The following ZNF782 variants were observed in gnomAD, a reference collection of about 807,000 sequenced individuals.
ZNF782 encodes the protein zinc finger protein 782.
ZNF782 carries 12 observed loss-of-function variants against 13.0 expected under a neutral mutation model. That is an observed-to-expected ratio of 0.92 (90% CI 0.59 to 1.50). ZNF782 has a LOEUF of 1.50. Ranked by LOEUF, ZNF782 falls within the 40% of genes most tolerant of loss-of-function variation. ZNF782 has a pLI of 0.00. For missense variants in ZNF782, 770 were observed against 822.9 expected (o/e 0.94, Z 0.79); for synonymous variants, 284 against 283.0 (o/e 1.00, Z -0.04).
the ZNF782 span, among the ~76,000 whole-genome samples, chr9:96,933,018 C>T: frequency 6.7e-6 from 1 of 148,370 alleles, no homozygotes; most frequent in African/African-American, 2.5e-5. Flanking sequence ...CACTCTGTCG[C>T]CCAGGGTGGA....
the ZNF782 span, among the ~76,000 whole-genome samples, chr9:96,886,420 C>T: frequency 6.6e-6 from 1 of 152,052 alleles, no homozygotes; most frequent in African/African-American, 2.4e-5. Flanking sequence ...AAACTCTACA[C>T]CTAATATGGT....
the ZNF782 span, among the ~76,000 whole-genome samples, chr9:96,883,391 T>C: frequency 6.6e-6 from 1 of 152,068 alleles, no homozygotes; most frequent in South Asian, 2.1e-4. Flanking sequence ...GATGGAGCAG[T>C]GTAGCTCCTC....
the ZNF782 span, among the ~76,000 whole-genome samples, chr9:96,923,143 C>A: frequency 1.3e-5 from 2 of 148,406 alleles, no homozygotes; most frequent in Admixed American, 1.3e-4. Context: ...CATAGCTCCA[C>A]AAAACATTCA....
intron 4 of ZNF782, among the ~76,000 whole-genome samples, chr9:96,829,445 T>C (rs1234384761): frequency 6.6e-6 from 1 of 152,156 alleles, no homozygotes. Context: ...TGTTTTTCCA[T>C]TTTATAACAC....
intron 1 of ZNF782, among the ~76,000 whole-genome samples, chr9:96,864,984 T>A (rs1851740235): frequency 6.6e-6 from 1 of 151,858 alleles, no homozygotes; most frequent in Admixed American, 6.6e-5. Context: ...AGTTTGAGTC[T>A]GCTGTGAGCT....
At chr9:96,825,957 T>G (rs1850603433) in intron 5 of ZNF782, among the ~76,000 whole-genome samples, 3 of 152,008 alleles carry the variant, frequency 2.0e-5, no homozygotes, top group Non-Finnish European at 4.4e-5. Flanking sequence ...GGTGGGACTG[T>G]AAACTAGTTC....
intron 1 of ZNF782, among the ~76,000 whole-genome samples, chr9:96,867,892 T>G (rs1851778480): frequency 6.6e-6 from 1 of 152,236 alleles, no homozygotes; most frequent in African/African-American, 2.4e-5. Context: ...TCCAACTGCA[T>G]AGCCTTCATT....
intron 4 of ZNF782, among the ~76,000 whole-genome samples, chr9:96,829,188 TTC>T (rs1850721875): frequency 6.6e-6 from 1 of 151,058 alleles, no homozygotes; most frequent in African/African-American, 2.4e-5. Flanking sequence ...CTATGAAAAT[TTC>T]TGATTTATAT....
chr9:96,817,837 A>C lies in ZNF782; in HGVS notation c.*86T>G, dbSNP rs1850219333. ...AGGAAATTCCAGTGCTCACTATGTTAACAGTTCTCTCCTGTGTGTTCATTT... is the reference window on the plus strand; with the variant it reads ...AGGAAATTCCAGTGCTCACTATGTTCACAGTTCTCTCCTGTGTGTTCATTT... On this transcript the variant is annotated 3_prime_UTR_variant, in exon 6 of 6. Coordinates refer to ENST00000481138, the MANE Select transcript of ZNF782 (RefSeq NM_001001662.3). 11 of 1,207,470 alleles carry C rather than the reference A, an allele frequency of 9.1e-6. No homozygotes were observed. Among genetic ancestry groups the C allele is most frequent in the Non-Finnish European group, 1.1e-5 (10 of 870,192 alleles). 74.8% of individuals were successfully genotyped at this position (1,207,470 alleles called of 1,614,324 possible).
intron 4 of ZNF782, among the ~76,000 whole-genome samples, chr9:96,836,797 G>A (rs1851017048): frequency 6.6e-6 from 1 of 152,130 alleles, no homozygotes; most frequent in Non-Finnish European, 1.5e-5. Flanking sequence ...CCCTCCCAAA[G>A]GGTTGAGTTC....
chr9:96,872,488 G>A (rs546814866), intron 1 of ZNF782, among the ~76,000 whole-genome samples: 24 of 151,008 alleles, frequency 1.6e-4, no homozygotes, highest in Admixed American at 6.6e-4. Flanking sequence ...CCAAGATCGC[G>A]CCACTGCACT....
chr9:96,929,311 A>C, the ZNF782 span, among the ~76,000 whole-genome samples: 1 of 152,050 alleles, frequency 6.6e-6, no homozygotes, highest in East Asian at 1.9e-4. Flanking sequence ...AGAGGGGGAC[A>C]GGTCACGTCA....
rs374707116 is a variant in ZNF782 at position 96,846,787 on chromosome 9, AC to A, written c.16-1772del. The stretch of plus-strand genomic sequence containing the variant: ...CACTGACAGTACTAGACAGATCAAG[AC>A]AGAAAGCCAACAAAGAAACAATCGA... On this transcript the variant is annotated intron_variant, in intron 3 of 5. Transcript: ENST00000481138. 2.6e-3 allele frequency among the ~76,000 whole-genome samples: 401 copies of A among 152,300 alleles called. 1 individual carries two copies. The highest frequency in any genetic ancestry group is 3.8e-3 in the Non-Finnish European group (258 of 68,018).
upstream of ZNF782, among the ~76,000 whole-genome samples, chr9:96,879,350 A>C (rs950865589): frequency 1.3e-5 from 2 of 152,128 alleles, no homozygotes; most frequent in South Asian, 2.1e-4. Context: ...ACAACAACAA[A>C]AAATTAGCCG....
At chr9:96,842,765 G>A (rs1290189665) in intron 4 of ZNF782, among the ~76,000 whole-genome samples, 1 of 151,936 alleles carries the variant, frequency 6.6e-6, no homozygotes, top group Non-Finnish European at 1.5e-5. Flanking sequence ...GAAAAGACAA[G>A]TTACAGACTG....
In ZNF782 at chr9:96,817,983, CCCA is replaced by C. The variant is rs777759005; in HGVS notation, c.2037_2039del (p.Cys679_Gly680delinsTrp). 6.2e-7 allele frequency: 1 copy of C among 1,607,620 alleles called. No individual in the cohort carries two copies. The highest frequency in any genetic ancestry group is 1.1e-5 in the South Asian group (1 of 89,700). ...GGCTTGATTTTTGACTGAAAGTTCTCCCACATTTATCACATTTATAGGGTTTCT... is the reference window on the plus strand; with the variant it reads ...GGCTTGATTTTTGACTGAAAGTTCTCCATTTATCACATTTATAGGGTTTCT... On this transcript the variant is annotated inframe_deletion, in exon 6 of 6. Coordinates refer to ENST00000481138, the MANE Select transcript of ZNF782 (RefSeq NM_001001662.3).
intron 5 of ZNF782, among the ~76,000 whole-genome samples, chr9:96,821,732 T>G (rs1466930115): frequency 6.6e-6 from 1 of 150,988 alleles, no homozygotes; most frequent in Non-Finnish European, 1.5e-5. Context: ...AGTGCAGTGG[T>G]GCGATCTCGG....
At chr9:96,921,350 C>G in the ZNF782 span, among the ~76,000 whole-genome samples, 1 of 139,510 alleles carries the variant, frequency 7.2e-6, no homozygotes, top group Non-Finnish European at 1.5e-5. Context: ...CTGGCTAACA[C>G]GGTGAAAGCC....
chr9:96,851,974 T>C lies in ZNF782; in HGVS notation c.-13A>G. ...GAAATGTGTTCATTTTCTGTGGCTC[T>C]TGGGAGAGTATAGAGAACTGTAAAG... is the stretch of plus-strand genomic sequence containing the variant. On this transcript the variant is annotated 5_prime_UTR_variant, in exon 3 of 6. Coordinates refer to ENST00000481138, the MANE Select transcript of ZNF782 (RefSeq NM_001001662.3). The C allele has an allele frequency of 6.2e-7, 1 of 1,613,974 alleles. No homozygotes were observed. The highest frequency in any genetic ancestry group is 8.5e-7 in the Non-Finnish European group (1 of 1,179,834).
Sources: allele counts gnomAD v4.1 joint callset (sites outside exome capture counted in the v4.1 genomes callset), GRCh38; gene constraint gnomAD v4.1.1; transcripts MANE v1.5; gene names NCBI Gene and HGNC (gene_info 2026-07-23, HGNC 2026-07-21).